Variants in PDE8A observed in about 807,000 individuals in gnomAD.
PDE8A encodes the protein high affinity cAMP-specific and IBMX-insensitive 3',5'-cyclic phosphodiesterase 8A.
Under a neutral mutation model 105.0 loss-of-function variants are expected in PDE8A, and 59 were observed. The observed-to-expected ratio is 0.56, with a 90% CI of 0.46 to 0.70. PDE8A has a LOEUF of 0.70. PDE8A is among the 30% of genes least tolerant of loss of function. The pLI is 0.00. For synonymous variants in PDE8A, 355 were observed against 371.9 expected, an observed-to-expected ratio of 0.95 and a Z score of 0.52; for missense variants, 1,014 against 1,045.9, an observed-to-expected ratio of 0.97 and a Z score of 0.42.
chr15:85,002,333 G>A (rs2080080414), intron 1 of PDE8A, among the ~76,000 whole-genome samples: 1 of 152,144 alleles, frequency 6.6e-6, no homozygotes, highest in African/African-American at 2.4e-5. Flanking sequence ...TAGATTACCA[G>A]TTTATTAGGA....
At chr15:85,018,350 G>A (rs1453573608) in intron 1 of PDE8A, among the ~76,000 whole-genome samples, 1 of 152,098 alleles carries the variant, frequency 6.6e-6, no homozygotes, top group Admixed American at 6.5e-5. Context: ...TCTTCCTTGA[G>A]GATTTTTTGT....
At chr15:85,030,826 T>C (rs768322834) in intron 1 of PDE8A, among the ~76,000 whole-genome samples, 2 of 152,238 alleles carry the variant, frequency 1.3e-5, no homozygotes, top group Non-Finnish European at 2.9e-5. Context: ...TGGAAAACTT[T>C]TGTGATTTTT....
At position 85,116,051 on chromosome 15, in the gene PDE8A, T is replaced by C; in HGVS notation, c.1467T>C (p.Ala489=). Reference sequence around the variant, plus strand: ...TTGATGATGTCCCACCACGGATAGCTCGGGCCATGGAAAATGAGGAATACT... The same window carrying C: ...TTGATGATGTCCCACCACGGATAGCCCGGGCCATGGAAAATGAGGAATACT... ...ISLDDVPPRI[A]RAMENEEYWD... is the part of the protein sequence containing the mutation. The change falls in exon 16 of 22, where the codon GCT becomes GCC. Residue 489 remains alanine (A), a synonymous_variant. Coordinates refer to ENST00000394553, the MANE Select transcript of PDE8A (RefSeq NM_002605.3). 6.2e-7 allele frequency: 1 copy of C among 1,613,658 alleles called. No homozygotes were observed. The highest frequency in any genetic ancestry group is 8.5e-7 in the Non-Finnish European group (1 of 1,179,630).
chr15:85,053,046 C>T (rs936328237), intron 1 of PDE8A, among the ~76,000 whole-genome samples: 1 of 152,286 alleles, frequency 6.6e-6, no homozygotes, highest in African/African-American at 2.4e-5. Context: ...TATGGCTAGC[C>T]AGTTTTCCCA....
chr15:85,087,131 T>G (rs190932541), intron 6 of PDE8A, among the ~76,000 whole-genome samples: 431 of 152,208 alleles, frequency 2.8e-3, no homozygotes, highest in Non-Finnish European at 2.8e-3. Context: ...AATGAGCTAA[T>G]TTTTATTGGC....
At chr15:84,982,446 C>T (rs1407467145) in intron 1 of PDE8A, 98 bp downstream of exon 1, 3 of 664,002 alleles carry the variant, frequency 4.5e-6, no homozygotes, top group East Asian at 3.5e-5. Context: ...CCCACCCGGC[C>T]TCGGTGCCCT....
intron 3 of PDE8A, among the ~76,000 whole-genome samples, chr15:85,074,267 G>A (rs1049206094): frequency 2.0e-5 from 3 of 152,224 alleles, no homozygotes; most frequent in African/African-American, 7.2e-5. Context: ...ACACAGTCTT[G>A]CCCATTCATT....
chr15:85,113,995 T>G lies in PDE8A; in HGVS notation c.1308T>G (p.Asp436Glu). ...ATTCACCACAGTTTGGTGCTAAAGATGATGATCCCCATGCCAATGACCTTG... is the reference window on the plus strand; with the variant it reads ...ATTCACCACAGTTTGGTGCTAAAGAGGATGATCCCCATGCCAATGACCTTG... ...ELYSPQFGAKDDDPHANDLVG... is the reference protein window; with the variant it reads ...ELYSPQFGAKEDDPHANDLVG... The change falls in exon 14 of 22, where the codon GAT becomes GAG. Residue 436 changes from aspartate to glutamate, a missense_variant. By Grantham distance (45) the Asp-to-Glu change is conservative (BLOSUM62 2). Coordinates refer to ENST00000394553, the MANE Select transcript of PDE8A (RefSeq NM_002605.3). 6.2e-7 allele frequency: 1 copy of G among 1,614,102 alleles called. No homozygotes were observed. Among genetic ancestry groups the G allele is most frequent in the Non-Finnish European group, 8.5e-7 (1 of 1,179,900 alleles).
chr15:85,066,469 G>A (rs1216553215), intron 2 of PDE8A, among the ~76,000 whole-genome samples: 2 of 151,998 alleles, frequency 1.3e-5, no homozygotes, highest in African/African-American at 4.8e-5. Context: ...GGGCTCTGAG[G>A]TACAAGAACA....
chr15:85,034,001 T>C (rs1022359490), intron 1 of PDE8A, among the ~76,000 whole-genome samples: 1 of 152,200 alleles, frequency 6.6e-6, no homozygotes, highest in Non-Finnish European at 1.5e-5. Flanking sequence ...AAAGACACAC[T>C]GTGTTCTGGA....
chr15:85,073,158 C>G (rs2081336484), intron 3 of PDE8A, among the ~76,000 whole-genome samples: 1 of 152,166 alleles, frequency 6.6e-6, no homozygotes, highest in African/African-American at 2.4e-5. Context: ...GTACTTAACA[C>G]TGCTTTCAGA....
At chr15:85,031,471 T>A (rs757347411) in intron 1 of PDE8A, among the ~76,000 whole-genome samples, 16 of 152,276 alleles carry the variant, frequency 1.1e-4, no homozygotes, top group Middle Eastern at 3.4e-3. Context: ...CCTGCCCTGT[T>A]GCTCCAGACC....
intron 1 of PDE8A, among the ~76,000 whole-genome samples, chr15:85,032,450 G>T (rs1453267658): frequency 1.3e-5 from 2 of 152,124 alleles, no homozygotes; most frequent in Non-Finnish European, 2.9e-5. Flanking sequence ...CTTTTAAAAA[G>T]AACCCTTGGT....
At chr15:85,023,901 G>A (rs1220104162) in intron 1 of PDE8A, among the ~76,000 whole-genome samples, 1 of 152,128 alleles carries the variant, frequency 6.6e-6, no homozygotes, top group African/African-American at 2.4e-5. Flanking sequence ...TTAAAAGATG[G>A]CATTTTGGTT....
chr15:85,127,638 T>C (rs2082276036), intron 20 of PDE8A, among the ~76,000 whole-genome samples: 1 of 152,144 alleles, frequency 6.6e-6, no homozygotes. Flanking sequence ...AACTTTACAG[T>C]GAAAACCATA....
At chr15:85,051,912 G>A (rs934302654) in intron 1 of PDE8A, among the ~76,000 whole-genome samples, 2 of 152,064 alleles carry the variant, frequency 1.3e-5, no homozygotes, top group Non-Finnish European at 2.9e-5. Context: ...GTGCTGGTGT[G>A]CTGCACCCGT....
intron 8 of PDE8A, among the ~76,000 whole-genome samples, chr15:85,093,263 G>A (rs1294390847): frequency 6.6e-6 from 1 of 152,148 alleles, no homozygotes; most frequent in Non-Finnish European, 1.5e-5. Context: ...AGTTTTTGGG[G>A]AGCATGGAAA....
intron 11 of PDE8A, among the ~76,000 whole-genome samples, chr15:85,102,448 A>C (rs1052732480): frequency 6.6e-6 from 1 of 152,144 alleles, no homozygotes; most frequent in African/African-American, 2.4e-5. Context: ...TCAGAGTAGA[A>C]AGCAGCATGT....
chr15:84,982,493 C>T, intron 1 of PDE8A, 145 bp downstream of exon 1: 1 of 472,930 alleles, frequency 2.1e-6, no homozygotes, highest in Non-Finnish European at 3.4e-6. Flanking sequence ...TGACGCCAGT[C>T]TCCCGCCTTG....
Sources: gnomAD v4.1 joint callset for allele counts (sites outside exome capture counted in the v4.1 genomes callset) on GRCh38, gnomAD v4.1.1 for gene constraint, MANE v1.5 for transcripts, NCBI Gene and HGNC (gene_info 2026-07-23, HGNC 2026-07-21) for gene names.